The following CASK variants were observed in gnomAD, a reference collection of about 807,000 sequenced individuals.
The protein encoded by CASK is calcium/calmodulin dependent serine protein kinase.
CASK carries 4 observed loss-of-function variants against 82.9 expected under a neutral mutation model. The observed-to-expected ratio is 0.05, with a 90% CI of 0.02 to 0.11. The LOEUF (loss-of-function observed/expected upper bound fraction) is 0.11, where lower values mean the gene tolerates loss of function less well. CASK is among the 10% of genes least tolerant of loss of function. The pLI, the probability that CASK is intolerant of heterozygous loss-of-function variation, is 1.00. For synonymous variants in CASK, 259 were observed against 253.5 expected (o/e 1.02, Z -0.20); for missense variants, 358 against 720.9 (o/e 0.50, Z 5.76).
At chrX:41,690,092 C>A (rs1464255457) in intron 5 of CASK, among the ~76,000 whole-genome samples, 1 of 111,435 alleles carries the variant, frequency 9.0e-6, no homozygotes, top group Non-Finnish European at 1.9e-5. Context: ...TCTACTATTA[C>A]AAAACTATTG....
intron 9 of CASK, among the ~76,000 whole-genome samples, chrX:41,628,597 G>A (rs1432255160): frequency 8.9e-6 from 1 of 111,882 alleles, no homozygotes; most frequent in African/African-American, 3.2e-5. Flanking sequence ...GAGCCACTGC[G>A]CCTGGCCAGA....
At chrX:41,809,776 T>C (rs944227495) in intron 2 of CASK, among the ~76,000 whole-genome samples, 4 of 111,881 alleles carry the variant, frequency 3.6e-5, no homozygotes, top group African/African-American at 1.3e-4. Context: ...AGGCTTCGGA[T>C]GATTAAACTT....
In CASK at chrX:41,550,244, A is replaced by G. The variant is rs182766969; in HGVS notation, c.2039+3475T>C. Among the ~76,000 whole-genome samples, 203 of 111,486 alleles carry G rather than the reference A, an allele frequency of 1.8e-3. 1 individual carries two copies. Among genetic ancestry groups the G allele is most frequent in the African/African-American group, 6.3e-3 (195 of 30,711 alleles). ...CTCCCTCCCTCCACCCCCATCTTGC[A>G]TTTTCCAGAAGTTTATGTAAATGGA... On this transcript the variant is annotated intron_variant, in intron 21 of 26. Transcript: ENST00000378163.
intron 9 of CASK, among the ~76,000 whole-genome samples, chrX:41,629,715 C>T (rs1018510139): frequency 4.2e-4 from 47 of 111,952 alleles, no homozygotes; most frequent in Admixed American, 3.5e-3. Flanking sequence ...AATTAATGTA[C>T]TTTGCTATGT....
chrX:41,579,615 G>C (rs1253743691), intron 14 of CASK, among the ~76,000 whole-genome samples: 1 of 111,918 alleles, frequency 8.9e-6, no homozygotes, highest in Non-Finnish European at 1.9e-5. Context: ...AATGTCTGGA[G>C]CTTTATACAA....
At chrX:41,701,856 C>T (rs749953651) in intron 5 of CASK, among the ~76,000 whole-genome samples, 1 of 112,456 alleles carries the variant, frequency 8.9e-6, no homozygotes, top group Non-Finnish European at 1.9e-5. Context: ...AGTTAATCTT[C>T]ATGGCATTGT....
rs1370776619 is a variant in CASK, at chrX:41,534,787, CTA to C, written c.2237-3_2237-2del. 1 of 1,198,012 alleles carries C rather than the reference CTA, an allele frequency of 8.3e-7. No individual in the cohort carries two copies. Among genetic ancestry groups the C allele is most frequent in the Non-Finnish European group, 1.1e-6 (1 of 884,705 alleles). On this transcript the variant is annotated splice_acceptor_variant and splice_polypyrimidine_tract_variant and intron_variant, in intron 23 of 26. Coordinates refer to ENST00000378163, the MANE Select transcript of CASK (RefSeq NM_001367721.1). LOFTEE classifies it high-confidence loss of function. ...TGTCTTCTCCCAACACCATGTGCGC[CTA>C]TGTCATTTAGAAAAAAAGAATGTTA... is the stretch of plus-strand genomic sequence containing the variant.
At chrX:41,815,106 G>A (rs1206839697) in intron 2 of CASK, among the ~76,000 whole-genome samples, 1 of 110,935 alleles carries the variant, frequency 9.0e-6, no homozygotes, top group African/African-American at 3.3e-5. Flanking sequence ...TGAAAAGAAG[G>A]GACTGAGGTA....
intron 2 of CASK, among the ~76,000 whole-genome samples, chrX:41,798,182 G>A (rs957593989): frequency 2.7e-5 from 3 of 111,723 alleles, no homozygotes; most frequent in Non-Finnish European, 5.6e-5. Flanking sequence ...ATTTTATTAG[G>A]TTAAATGATC....
chrX:41,843,733 CT>C (rs2071094362), intron 2 of CASK, among the ~76,000 whole-genome samples: 1 of 111,232 alleles, frequency 9.0e-6, no homozygotes, highest in Non-Finnish European at 1.9e-5. Flanking sequence ...AATTTACTTC[CT>C]TCTGATAGAT....
chrX:41,795,410 T>A (rs1010431162), intron 2 of CASK, among the ~76,000 whole-genome samples: 4 of 112,007 alleles, frequency 3.6e-5, no homozygotes, highest in African/African-American at 1.3e-4. Flanking sequence ...TGCCTGTAAT[T>A]CTACTAGCAC....
chrX:41,618,975 C>T (rs753629742), intron 11 of CASK, among the ~76,000 whole-genome samples: 14 of 108,580 alleles, frequency 1.3e-4, no homozygotes, highest in South Asian at 1.2e-3. Context: ...TACGGGCACC[C>T]GCCACCACAC....
At chrX:41,525,828 G>A (rs896097538) in intron 25 of CASK, among the ~76,000 whole-genome samples, 2 of 111,346 alleles carry the variant, frequency 1.8e-5, no homozygotes, top group African/African-American at 6.5e-5. Context: ...TCTTTTTTTA[G>A]TGCAAGGTTG....
At chrX:41,567,624 C>G in intron 16 of CASK, among the ~76,000 whole-genome samples, 1 of 111,705 alleles carries the variant, frequency 9.0e-6, no homozygotes, top group African/African-American at 3.3e-5. Context: ...AATAGGAACA[C>G]TTTTACACTG....
At position 41,923,478 on chromosome X, in the gene CASK, G is replaced by A. The variant is rs1278232015; in HGVS notation, c.-490C>T. ...GTGGCGGCGGCGGCGGATCGGCGCT[G>A]GGGACCAGGAGGCGGCGGCAGAGAC... On this transcript the variant is annotated 5_prime_UTR_variant, in exon 1 of 27. Coordinates refer to ENST00000378163, the MANE Select transcript of CASK (RefSeq NM_001367721.1). 3.6e-5 allele frequency: 4 copies of A among 111,070 alleles called. No individual in the cohort carries two copies. In the East Asian group the frequency reaches 1.2e-3, roughly 32 times the overall value. The allele number at this position is 111,070 out of a possible 1,213,427, so 9.2% of individuals were successfully genotyped here. A position where few individuals can be genotyped will look rare whatever the true frequency, so the allele number is the denominator to read the frequency against.
Position 41,542,830 on chromosome X carries a change from A to C in CASK, c.2040-24T>G, listed in dbSNP as rs755016822. On this transcript the variant is annotated intron_variant, in intron 21 of 26. Coordinates refer to ENST00000378163, the MANE Select transcript of CASK (RefSeq NM_001367721.1). ...GCCTAGCACATACAAAAAGAAAAAT[A>C]AAATAAAATGAATTTATAATTCTGG... 20 of 924,365 alleles carry C rather than the reference A, an allele frequency of 2.2e-5. No individual in the cohort carries two copies. In the Admixed American group the frequency reaches 4.3e-4, roughly 20 times the overall value. The allele number at this position is 924,365 out of a possible 1,213,427, so 76.2% of individuals were successfully genotyped here.
rs1378569836 is a variant in CASK at position 41,519,216 on chromosome X, A to G, written c.*1204T>C. The stretch of plus-strand genomic sequence containing the variant: ...GGACCCAAAGGCATTTAATTATTGA[A>G]CACATAAAAGGAAGTATATTTAAAA... On this transcript the variant is annotated 3_prime_UTR_variant, in exon 27 of 27. Coordinates refer to ENST00000378163, the MANE Select transcript of CASK (RefSeq NM_001367721.1). The G allele has an allele frequency of 8.9e-6, 1 of 112,269 alleles. No individual in the cohort carries two copies. Among genetic ancestry groups the G allele is most frequent in the East Asian group, 2.8e-4 (1 of 3,589 alleles). 9.3% of individuals were successfully genotyped at this position (112,269 alleles called of 1,213,427 possible).
chrX:41,823,964 C>A lies in CASK; in HGVS notation c.172+29151G>T, dbSNP rs144566733. Among the ~76,000 whole-genome samples, 31 of 111,653 alleles carry A rather than the reference C, an allele frequency of 2.8e-4. No individual in the cohort carries two copies. The East Asian group carries it at 8.2e-3, about 29-fold the overall frequency. On this transcript the variant is annotated intron_variant, in intron 2 of 26. Coordinates refer to ENST00000378163, the MANE Select transcript of CASK (RefSeq NM_001367721.1). ...TTTTCTCTTTTGTTCAGATTGTGGT[C>A]CTAAATTTTAGACTAAAATATTTAA...
intron 3 of CASK, among the ~76,000 whole-genome samples, chrX:41,784,769 G>A (rs1356947613): frequency 9.1e-6 from 1 of 109,580 alleles, no homozygotes; most frequent in African/African-American, 3.3e-5. Flanking sequence ...CCAGCTATTC[G>A]GGAGGCTGAG....
Sources: allele counts gnomAD v4.1 joint callset (sites outside exome capture counted in the v4.1 genomes callset), GRCh38; gene constraint gnomAD v4.1.1; transcripts MANE v1.5; gene names NCBI Gene and HGNC (gene_info 2026-07-23, HGNC 2026-07-21).